PNMA6F: variants seen among roughly 807,000 people sequenced by gnomAD.
The protein encoded by PNMA6F is PNMA family member 6F.
For synonymous variants in PNMA6F, 14 were observed against 3.4 expected (o/e 4.15, Z -3.45); for missense variants, 57 against 10.8 (o/e 5.25, Z -5.98).
Position 153,319,933 on chromosome X carries a change from T to C in PNMA6F, c.742A>G (p.Met248Val), listed in dbSNP as rs1556958728. The change falls in exon 2 of 2, where the codon ATG (methionine) becomes GTG (valine). Residue 248 changes from methionine to valine, a missense_variant. Met to Val is a conservative substitution (Grantham distance 21). Transcript: ENST00000436629. ...RQTLRPLVKT[M>V]AYRELRPFSG... ...AAGGGTCTCAGTTCCCGGTAGGCCA[T>C]AGTTTTCACCAGAGGCCGCAGGGTC... The C allele has an allele frequency of 6.6e-6, 2 of 302,671 alleles. No individual in the cohort carries two copies. Among genetic ancestry groups the C allele is most frequent in the African/African-American group, 5.5e-5 (2 of 36,636 alleles). The allele number at this position is 302,671 out of a possible 1,213,427, so 24.9% of individuals were successfully genotyped here.
Position 153,319,374 on chromosome X carries a change from T to A in PNMA6F, c.1301A>T (p.Gln434Leu). 2 of 298,082 alleles carry A rather than the reference T, an allele frequency of 6.7e-6. No homozygotes were observed. Among genetic ancestry groups the A allele is most frequent in the Non-Finnish European group, 1.2e-5 (2 of 170,355 alleles). 24.6% of individuals were successfully genotyped at this position (298,082 alleles called of 1,213,427 possible). The change falls in exon 2 of 2, where the codon CAG (glutamine) becomes CTG (leucine). Residue 434 changes from glutamine (Q) to leucine (L), a missense_variant. Physicochemically the swap from Gln to Leu is moderately radical, Grantham distance 113 (BLOSUM62 -2). Coordinates refer to ENST00000436629, the MANE Select transcript of PNMA6F (RefSeq NM_001354980.2). ...GGCCGCTGCCCAGGCCACACCCTGC[T>A]GGCTCCTTGCTAGGGAGGCTGCCCA... is the stretch of plus-strand genomic sequence containing the variant. ...EAWAASLARS[Q>L]QGVAWAAAPV...
intron 1 of PNMA6F, 90 bp downstream of exon 1, chrX:153,321,462 A>T (rs1408734219): frequency 1.1e-5 from 1 of 88,850 alleles, no homozygotes; most frequent in African/African-American, 4.2e-5. Flanking sequence ...CCGGACCGGG[A>T]CCCCCTCTCG....
At position 153,319,459 on chromosome X, in the gene PNMA6F, G is replaced by A; in HGVS notation, c.1216C>T (p.Leu406=). The change falls in exon 2 of 2, where the codon CTG becomes TTG. Residue 406 remains leucine (L), a synonymous_variant. Transcript: ENST00000436629. ...ALQDTLRRMQ[L]ERRPPDFLRL... ...AGGAAGTCAGGTGGCCTCCTCTCCAGCTGCATCCTCCTCAGGGTATCCTGG... is the reference window on the plus strand; with the variant it reads ...AGGAAGTCAGGTGGCCTCCTCTCCAACTGCATCCTCCTCAGGGTATCCTGG... 3 of 298,223 alleles carry A rather than the reference G, an allele frequency of 1.0e-5. No homozygotes were observed. Among genetic ancestry groups the A allele is most frequent in the Non-Finnish European group, 1.8e-5 (3 of 170,475 alleles). The allele number at this position is 298,223 out of a possible 1,213,427, so 24.6% of individuals were successfully genotyped here.
In PNMA6F at chrX:153,318,630, G is replaced by T. The variant is rs949473758; in HGVS notation, c.*308C>A. The T allele has an allele frequency of 2.1e-5, 4 of 186,817 alleles. No homozygotes were observed. In the Admixed American group the frequency reaches 3.1e-4, roughly 14 times the overall value. The allele number at this position is 186,817 out of a possible 1,213,427, so 15.4% of individuals were successfully genotyped here. On this transcript the variant is annotated 3_prime_UTR_variant, in exon 2 of 2. Transcript: ENST00000436629. ...GATGGCAAGTGGGGGCCACCTCTTG[G>T]GACATGTAGGCAGCTGTCACCCTTG...
At position 153,320,047 on chromosome X, in the gene PNMA6F, C is replaced by A. The variant is rs1739348185; in HGVS notation, c.628G>T (p.Gly210Cys). The A allele has an allele frequency of 8.3e-6, 3 of 361,979 alleles. No homozygotes were observed. In the East Asian group the frequency reaches 1.4e-4, roughly 17 times the overall value. 29.8% of individuals were successfully genotyped at this position (361,979 alleles called of 1,213,427 possible). ...EGGAGEAGGAGEEGGEDEAGA... is the reference protein window; with the variant it reads ...EGGAGEAGGACEEGGEDEAGA... Reference sequence around the variant, plus strand: ...GCCTCATCTTCACCTCCTTCCTCACCTGCGCCTCCTGCCTCACCTGCACCT... The same window carrying A: ...GCCTCATCTTCACCTCCTTCCTCACATGCGCCTCCTGCCTCACCTGCACCT... Residue 210 changes from glycine to cysteine, a missense_variant, in exon 2 of 2, where the codon GGT becomes TGT. By Grantham distance (159) the Gly-to-Cys change is radical. Transcript: ENST00000436629.
In PNMA6F at chrX:153,319,284, G is replaced by C; in HGVS notation, c.1391C>G (p.Ala464Gly). ...ASPAQGDASEADPGAEDADEA... is the reference protein window; with the variant it reads ...ASPAQGDASEGDPGAEDADEA... Reference sequence around the variant, plus strand: ...ATCAGCATCTTCTGCTCCGGGATCAGCCTCGCTGGCGTCCCCCTGGGCCGG... The same window carrying C: ...ATCAGCATCTTCTGCTCCGGGATCACCCTCGCTGGCGTCCCCCTGGGCCGG... The change falls in exon 2 of 2, where the codon GCT becomes GGT. Residue 464 changes from alanine (A) to glycine (G), a missense_variant. Coordinates refer to ENST00000436629, the MANE Select transcript of PNMA6F (RefSeq NM_001354980.2). The C allele has an allele frequency of 3.4e-6, 1 of 298,366 alleles. No homozygotes were observed. The allele number at this position is 298,366 out of a possible 1,213,427, so 24.6% of individuals were successfully genotyped here. A position where few individuals can be genotyped will look rare whatever the true frequency, so the allele number is the denominator to read the frequency against.
chrX:153,320,760 G>A lies in PNMA6F; in HGVS notation c.-83-3C>T, dbSNP rs35547799. ...ACTGTTGCAGTCTCTGACGCAGCCTGTGAGTGCAAAGGGGAGAGAGGGACG... is the reference window on the plus strand; with the variant it reads ...ACTGTTGCAGTCTCTGACGCAGCCTATGAGTGCAAAGGGGAGAGAGGGACG... On this transcript the variant is annotated splice_region_variant and splice_polypyrimidine_tract_variant and intron_variant, in intron 1 of 1. Transcript: ENST00000436629. The A allele has an allele frequency of 0.26, 77,073 of 293,503 alleles. 7,243 individuals are homozygous for A. The highest frequency in any genetic ancestry group is 0.32 in the Admixed American group (5,104 of 16,187). 24.2% of individuals were successfully genotyped at this position (293,503 alleles called of 1,213,427 possible).
rs1000351416 is a variant in PNMA6F at position 153,319,151 on chromosome X, G to A, written c.1524C>T (p.Asp508=). 5.0e-5 allele frequency: 15 copies of A among 298,085 alleles called. No individual in the cohort carries two copies. The highest frequency in any genetic ancestry group is 8.8e-4 in the Middle Eastern group (1 of 1,137). 24.6% of individuals were successfully genotyped at this position (298,085 alleles called of 1,213,427 possible). A position where few individuals can be genotyped will look rare whatever the true frequency, so the allele number is the denominator to read the frequency against. The change falls in exon 2 of 2, where the codon GAC becomes GAT. Residue 508 remains aspartate, a synonymous_variant. Coordinates refer to ENST00000436629, the MANE Select transcript of PNMA6F (RefSeq NM_001354980.2). The part of the protein sequence containing the change: ...LEGLGQGRSP[D]APGGLPARMG... The stretch of plus-strand genomic sequence containing the variant: ...TCCTGGCTGGGAGGCCCCCAGGGGC[G>A]TCGGGGGACCTTCCCTGACCTAGGC...
Position 153,317,995 on chromosome X carries a change from T to A in PNMA6F, c.*943A>T, listed in dbSNP as rs781818137. On this transcript the variant is annotated 3_prime_UTR_variant, in exon 2 of 2. Coordinates refer to ENST00000436629, the MANE Select transcript of PNMA6F (RefSeq NM_001354980.2). ...TCCGCTGGGGCAGGGCCCTGCCCTA[T>A]AGCCCTCACAGGACACTGAAAACAC... 1.7e-5 allele frequency: 2 copies of A among 116,318 alleles called. No homozygotes were observed. Among genetic ancestry groups the A allele is most frequent in the African/African-American group, 6.5e-5 (2 of 30,609 alleles). 9.6% of individuals were successfully genotyped at this position (116,318 alleles called of 1,213,427 possible).
rs1661704071 is a variant in PNMA6F at position 153,318,628 on chromosome X, T to C, written c.*310A>G. 1 of 184,680 alleles carries C rather than the reference T, an allele frequency of 5.4e-6. No individual in the cohort carries two copies. Among genetic ancestry groups the C allele is most frequent in the Non-Finnish European group, 1.0e-5 (1 of 99,253 alleles). The allele number at this position is 184,680 out of a possible 1,213,427, so 15.2% of individuals were successfully genotyped here. A position where few individuals can be genotyped will look rare whatever the true frequency, so the allele number is the denominator to read the frequency against. On this transcript the variant is annotated 3_prime_UTR_variant, in exon 2 of 2. Transcript: ENST00000436629. ...GGGATGGCAAGTGGGGGCCACCTCT[T>C]GGGACATGTAGGCAGCTGTCACCCT...
Position 153,318,685 on chromosome X carries a change from C to T in PNMA6F, c.*253G>A, listed in dbSNP as rs1344914193. The stretch of plus-strand genomic sequence containing the variant: ...GGCCTCTTTCCCCCATCTCTCCCAA[C>T]ACAGGACAAGGGGTGGGGGGCAGAC... On this transcript the variant is annotated 3_prime_UTR_variant, in exon 2 of 2. Transcript: ENST00000436629. 1 of 255,707 alleles carries T rather than the reference C, an allele frequency of 3.9e-6. No individual in the cohort carries two copies. The highest frequency in any genetic ancestry group is 2.8e-5 in the African/African-American group (1 of 35,921). 21.1% of individuals were successfully genotyped at this position (255,707 alleles called of 1,213,427 possible).
chrX:153,318,286 G>C lies in PNMA6F; in HGVS notation c.*652C>G, dbSNP rs1334818568. On this transcript the variant is annotated 3_prime_UTR_variant, in exon 2 of 2. Coordinates refer to ENST00000436629, the MANE Select transcript of PNMA6F (RefSeq NM_001354980.2). The stretch of plus-strand genomic sequence containing the variant: ...CCAGGACTGTGCTGGGGGCCTCCGG[G>C]GAGGAGCTGCTCAGAGAAGAACACA... The C allele has an allele frequency of 8.2e-6, 1 of 121,674 alleles. No individual in the cohort carries two copies. Among genetic ancestry groups the C allele is most frequent in the Non-Finnish European group, 1.9e-5 (1 of 52,902 alleles). The allele number at this position is 121,674 out of a possible 1,213,427, so 10.0% of individuals were successfully genotyped here. A position where few individuals can be genotyped will look rare whatever the true frequency, so the allele number is the denominator to read the frequency against.
chrX:153,318,455 C>A lies in PNMA6F; in HGVS notation c.*483G>T. On this transcript the variant is annotated 3_prime_UTR_variant, in exon 2 of 2. Transcript: ENST00000436629. Reference sequence around the variant, plus strand: ...GCATGTGCCCCAGGCCCAGAGGCAGCCGCACCGATGGGCGCACAGCATACA... The same window carrying A: ...GCATGTGCCCCAGGCCCAGAGGCAGACGCACCGATGGGCGCACAGCATACA... The A allele has an allele frequency of 8.5e-6, 1 of 117,480 alleles. No homozygotes were observed. The allele number at this position is 117,480 out of a possible 1,213,427, so 9.7% of individuals were successfully genotyped here. A position where few individuals can be genotyped will look rare whatever the true frequency, so the allele number is the denominator to read the frequency against.
rs73245857 is a variant in PNMA6F, at chrX:153,320,678, C to T, written c.-4G>A. On this transcript the variant is annotated 5_prime_UTR_variant, in exon 2 of 2. Coordinates refer to ENST00000436629, the MANE Select transcript of PNMA6F (RefSeq NM_001354980.2). ...TCCTGCACCAGTCCTGAAGCATCGC[C>T]AGAGCTATCGCAGAGGACTTGAGGG... 75,470 of 295,175 alleles carry T rather than the reference C, an allele frequency of 0.26. 7,538 individuals carry two copies. The highest frequency in any genetic ancestry group is 0.45 in the East Asian group (9,527 of 20,942). The allele number at this position is 295,175 out of a possible 1,213,427, so 24.3% of individuals were successfully genotyped here.
chrX:153,320,053 C>A lies in PNMA6F; in HGVS notation c.622G>T (p.Gly208Cys). Residue 208 changes from glycine (G) to cysteine (C), a missense_variant, in exon 2 of 2, where the codon GGC (glycine) becomes TGC (cysteine). Coordinates refer to ENST00000436629, the MANE Select transcript of PNMA6F (RefSeq NM_001354980.2). ...GEEGGAGEAG[G>C]AGEEGGEDEA... ...TCTTCACCTCCTTCCTCACCTGCGC[C>A]TCCTGCCTCACCTGCACCTCCTTCC... The A allele has an allele frequency of 2.8e-6, 1 of 363,206 alleles. No individual in the cohort carries two copies. 29.9% of individuals were successfully genotyped at this position (363,206 alleles called of 1,213,427 possible).
At position 153,320,499 on chromosome X, in the gene PNMA6F, C is replaced by T; in HGVS notation, c.176G>A (p.Arg59Lys). Residue 59 changes from arginine (R) to lysine (K), a missense_variant, in exon 2 of 2, where the codon AGG (arginine) becomes AAG (lysine). Physicochemically the swap from Arg to Lys is conservative, Grantham distance 26. Transcript: ENST00000436629. ...CTCAGCGAATTCCACCAAGGCTGCCCTGGCCCCGAGCTCCTTTCTGAAGAC... is the reference window on the plus strand; with the variant it reads ...CTCAGCGAATTCCACCAAGGCTGCCTTGGCCCCGAGCTCCTTTCTGAAGAC... ...IKVFRKELGA[R>K]AALVEFAEGL... 1 of 297,490 alleles carries T rather than the reference C, an allele frequency of 3.4e-6. No homozygotes were observed. The highest frequency in any genetic ancestry group is 5.9e-6 in the Non-Finnish European group (1 of 170,455). The allele number at this position is 297,490 out of a possible 1,213,427, so 24.5% of individuals were successfully genotyped here. A position where few individuals can be genotyped will look rare whatever the true frequency, so the allele number is the denominator to read the frequency against.
chrX:153,318,168 C>G lies in PNMA6F; in HGVS notation c.*770G>C, dbSNP rs1256260829. The stretch of plus-strand genomic sequence containing the variant: ...GTTCTTCCTCACACAGTCATGGTCA[C>G]CATCATGGTCACGGGCACCATCGTG... On this transcript the variant is annotated 3_prime_UTR_variant, in exon 2 of 2. Transcript: ENST00000436629. The G allele has an allele frequency of 8.6e-6, 1 of 116,926 alleles. No homozygotes were observed. The highest frequency in any genetic ancestry group is 1.9e-5 in the Non-Finnish European group (1 of 53,220). The allele number at this position is 116,926 out of a possible 1,213,427, so 9.6% of individuals were successfully genotyped here. A position where few individuals can be genotyped will look rare whatever the true frequency, so the allele number is the denominator to read the frequency against.
intron 1 of PNMA6F, 78 bp downstream of exon 1, chrX:153,321,474 G>T (rs1556959001): frequency 1.1e-5 from 1 of 94,922 alleles, no homozygotes; most frequent in East Asian, 3.7e-4. Context: ...CCCCTCTCGC[G>T]CCCACTGCGG....
In PNMA6F at chrX:153,321,738, C is replaced by T. The variant is rs968837025; in HGVS notation, c.-270G>A. 1.8e-5 allele frequency: 2 copies of T among 109,997 alleles called. No homozygotes were observed. Among genetic ancestry groups the T allele is most frequent in the Non-Finnish European group, 3.8e-5 (2 of 52,584 alleles). 9.1% of individuals were successfully genotyped at this position (109,997 alleles called of 1,213,427 possible). ...GCTGTGCTAAGACTACAGGGCTTCC[C>T]GCTTCTCCCAGAAGCCCCAGGTAGA... is the stretch of plus-strand genomic sequence containing the variant. On this transcript the variant is annotated 5_prime_UTR_variant, in exon 1 of 2. Coordinates refer to ENST00000436629, the MANE Select transcript of PNMA6F (RefSeq NM_001354980.2).
Sources: gnomAD v4.1 joint callset for allele counts on GRCh38, gnomAD v4.1.1 for gene constraint, MANE v1.5 for transcripts, NCBI Gene and HGNC (gene_info 2026-07-23, HGNC 2026-07-21) for gene names.